The following SCN1A variants were observed in gnomAD, a reference collection of about 807,000 sequenced individuals.
The protein encoded by SCN1A is sodium channel protein type 1 subunit alpha.
In SCN1A, 13 loss-of-function variants were observed where a neutral mutation model predicts 193.7. That is an observed-to-expected ratio of 0.07 (90% CI 0.04 to 0.11). The LOEUF is 0.11. Ranked by LOEUF, SCN1A falls within the 10% of genes least tolerant of loss-of-function variation. The pLI is 1.00. For synonymous variants in SCN1A, 781 were observed against 843.6 expected, an observed-to-expected ratio of 0.93 and a Z score of 1.29; for missense variants, 1,432 against 2,451.1, an observed-to-expected ratio of 0.58 and a Z score of 8.78.
In SCN1A at chr2:166,039,613, A is replaced by G. The variant is rs776785357; in HGVS notation, c.2416-17T>C. On this transcript the variant is annotated splice_polypyrimidine_tract_variant and intron_variant, in intron 16 of 28. Transcript: ENST00000674923. Reference sequence around the variant, plus strand: ...AGTGAAAACCTAAGATCAAAACAAAATTAATCTAATTCCACCAGATAATAA... The same window carrying G: ...AGTGAAAACCTAAGATCAAAACAAAGTTAATCTAATTCCACCAGATAATAA... The G allele has an allele frequency of 1.2e-5, 20 of 1,604,702 alleles. No individual in the cohort carries two copies. The South Asian group carries it at 2.0e-4, about 16-fold the overall frequency.
chr2:166,037,104 A>G (rs1344896534), intron 18 of SCN1A, among the ~76,000 whole-genome samples: 1 of 152,204 alleles, frequency 6.6e-6, no homozygotes, highest in East Asian at 1.9e-4. Flanking sequence ...ATGAATGTAC[A>G]TACCTTTAGA....
chr2:166,050,921 C>T (rs1698487264), intron 9 of SCN1A, among the ~76,000 whole-genome samples: 1 of 151,636 alleles, frequency 6.6e-6, no homozygotes, highest in Non-Finnish European at 1.5e-5. Flanking sequence ...ATCTATTAAA[C>T]TATAACACTC....
intron 2 of SCN1A, among the ~76,000 whole-genome samples, chr2:166,120,428 T>TA (rs1380685883): frequency 6.6e-6 from 1 of 151,314 alleles, no homozygotes; most frequent in Non-Finnish European, 1.5e-5. Flanking sequence ...AGGTACTTTT[T>TA]AATATACTAT....
At chr2:166,113,218 A>G (rs1434847621) in intron 2 of SCN1A, among the ~76,000 whole-genome samples, 1 of 150,536 alleles carries the variant, frequency 6.6e-6, no homozygotes, top group Non-Finnish European at 1.5e-5. Flanking sequence ...GAAAAACAGA[A>G]ACAAAAACAA....
At chr2:166,105,660 T>C (rs912135506) in intron 2 of SCN1A, among the ~76,000 whole-genome samples, 5 of 152,246 alleles carry the variant, frequency 3.3e-5, no homozygotes, top group South Asian at 2.1e-4. Context: ...AATGAATGCC[T>C]AATTTTTATT....
Position 166,002,879 on chromosome 2 carries a change from G to A in SCN1A, c.4003-126C>T, listed in dbSNP as rs536753222. 2.8e-5 allele frequency: 21 copies of A among 754,428 alleles called. No homozygotes were observed. The African/African-American group carries it at 3.8e-4, about 14-fold the overall frequency. 46.7% of individuals were successfully genotyped at this position (754,428 alleles called of 1,614,324 possible). A position where few individuals can be genotyped will look rare whatever the true frequency, so the allele number is the denominator to read the frequency against. The stretch of plus-strand genomic sequence containing the variant: ...ATCAATGCTATTTATTCTAGGATAT[G>A]TAAAAGCAAGGTTCAAAAAAATCTT... On this transcript the variant is annotated intron_variant, in intron 23 of 28. Coordinates refer to ENST00000674923, the MANE Select transcript of SCN1A (RefSeq NM_001165963.4).
At chr2:165,997,268 T>C (rs1365414034) in intron 26 of SCN1A, among the ~76,000 whole-genome samples, 1 of 151,272 alleles carries the variant, frequency 6.6e-6, no homozygotes, top group East Asian at 1.9e-4. Context: ...ATTATGATAA[T>C]GCATATATGA....
At chr2:166,108,778 T>C (rs1204138204) in intron 2 of SCN1A, among the ~76,000 whole-genome samples, 1 of 152,062 alleles carries the variant, frequency 6.6e-6, no homozygotes, top group East Asian at 1.9e-4. Context: ...AGACAGCAAA[T>C]AGTGATTGCC....
chr2:166,109,491 A>G (rs1029858867), intron 2 of SCN1A: 9 of 152,902 alleles, frequency 5.9e-5, no homozygotes, highest in African/African-American at 2.2e-4. Context: ...TGCTTCACAG[A>G]TACAGTTTTT....
At chr2:166,135,217 T>TATCA (rs1208330410) in intron 1 of SCN1A, among the ~76,000 whole-genome samples, 1 of 152,242 alleles carries the variant, frequency 6.6e-6, no homozygotes, top group Non-Finnish European at 1.5e-5. Context: ...TATATCTTTA[T>TATCA]ATCAATCACC....
At chr2:166,013,161 A>G (rs1692766426) in intron 21 of SCN1A, among the ~76,000 whole-genome samples, 2 of 151,452 alleles carry the variant, frequency 1.3e-5, no homozygotes, top group African/African-American at 4.8e-5. Context: ...ATAAAAATAA[A>G]TTGATTCTGA....
At chr2:166,067,002 A>G (rs1277518356) in intron 4 of SCN1A, among the ~76,000 whole-genome samples, 1 of 152,078 alleles carries the variant, frequency 6.6e-6, no homozygotes, top group African/African-American at 2.4e-5. Flanking sequence ...GTCTTATTCT[A>G]TGCTGTTCTC....
chr2:166,003,516 A>T (rs556123614), intron 23 of SCN1A, among the ~76,000 whole-genome samples: 99 of 151,306 alleles, frequency 6.5e-4, no homozygotes, highest in Admixed American at 1.1e-3. Context: ...GTGTTCAATT[A>T]TTATCTACTT....
Position 166,063,976 on chromosome 2 carries a change from T to C in SCN1A, c.265-5288A>G, listed in dbSNP as rs575063102. Among the ~76,000 whole-genome samples, 25 of 152,242 alleles carry C rather than the reference T, an allele frequency of 1.6e-4. No individual in the cohort carries two copies. The South Asian group carries it at 5.2e-3, about 31-fold the overall frequency. On this transcript the variant is annotated intron_variant, in intron 4 of 28. Transcript: ENST00000674923. ...ATCCATTGTTCAGCAAGCTCATACC[T>C]TCTTCAGCAATCCTTGCCATGTAAA... is the stretch of plus-strand genomic sequence containing the variant.
At chr2:166,064,812 T>C (rs1683669434) in intron 4 of SCN1A, among the ~76,000 whole-genome samples, 1 of 152,188 alleles carries the variant, frequency 6.6e-6, no homozygotes, top group African/African-American at 2.4e-5. Flanking sequence ...TCCAAATTTA[T>C]TGCACTTTCC....
At chr2:166,096,879 C>T (rs1162652862) in intron 2 of SCN1A, among the ~76,000 whole-genome samples, 1 of 152,152 alleles carries the variant, frequency 6.6e-6, no homozygotes, top group Non-Finnish European at 1.5e-5. Context: ...TCTTCAATCA[C>T]TTTTCTGAAA....
Position 165,988,617 on chromosome 2 carries a change from C to T in SCN1A, c.*2628G>A, listed in dbSNP as rs1316099220. The T allele has an allele frequency of 3.3e-5, 5 of 152,166 alleles. No individual in the cohort carries two copies. The highest frequency in any genetic ancestry group is 1.2e-4 in the African/African-American group (5 of 41,430). 9.4% of individuals were successfully genotyped at this position (152,166 alleles called of 1,614,324 possible). On this transcript the variant is annotated 3_prime_UTR_variant, in exon 29 of 29. Coordinates refer to ENST00000674923, the MANE Select transcript of SCN1A (RefSeq NM_001165963.4). ...GGAGAAGAAATATTCCTATGTCAAT[C>T]TTCTCTCTCTGGTGCTTTCCCACTG...
chr2:166,136,274 C>T (rs763555436), intron 1 of SCN1A, among the ~76,000 whole-genome samples: 16 of 152,094 alleles, frequency 1.1e-4, no homozygotes, highest in Non-Finnish European at 1.8e-4. Context: ...GGGGATGTGA[C>T]CCCTGACGTT....
chr2:166,144,922 G>T (rs1225251119), intron 1 of SCN1A, among the ~76,000 whole-genome samples: 1 of 151,272 alleles, frequency 6.6e-6, no homozygotes, highest in African/African-American at 2.4e-5. Flanking sequence ...CGTGATCTCG[G>T]CTCGCTGCAA....
Sources: gnomAD v4.1 joint callset for allele counts (sites outside exome capture counted in the v4.1 genomes callset) on GRCh38, gnomAD v4.1.1 for gene constraint, MANE v1.5 for transcripts, NCBI Gene and HGNC (gene_info 2026-07-23, HGNC 2026-07-21) for gene names.